The following TENM3 variants were observed in gnomAD, a reference collection of about 807,000 sequenced individuals.
TENM3 encodes teneurin-3.
Under a neutral mutation model 255.1 loss-of-function variants are expected in TENM3, and 63 were observed. The ratio of observed to expected loss-of-function variants is 0.25; its 90% CI spans 0.20 to 0.30. TENM3 has a LOEUF of 0.30. Among genes scored for constraint, TENM3 ranks in the 10% least tolerant of loss-of-function variants. The pLI, the probability that TENM3 is intolerant of heterozygous loss-of-function variation, is 1.00. For missense variants in TENM3, 2,929 were observed against 3,461.1 expected (o/e 0.85, Z 3.86); for synonymous variants, 1,306 against 1,322.3 (o/e 0.99, Z 0.27).
At chr4:182,266,599 G>A (rs1261325375) in intron 1 of TENM3, among the ~76,000 whole-genome samples, 2 of 151,958 alleles carry the variant, frequency 1.3e-5, no homozygotes, top group African/African-American at 4.8e-5. Context: ...ATATCTATAA[G>A]GTTTTATTAA....
Position 182,800,348 on chromosome 4 carries a change from G to A in TENM3, c.8097G>A (p.Arg2699=). 1 of 1,556,766 alleles carries A rather than the reference G, an allele frequency of 6.4e-7. No individual in the cohort carries two copies. Among genetic ancestry groups the A allele is most frequent in the Non-Finnish European group, 8.6e-7 (1 of 1,160,166 alleles). Residue 2699 remains arginine (R), a synonymous_variant, in exon 28 of 28, where the codon AGG becomes AGA. Coordinates refer to ENST00000511685, the MANE Select transcript of TENM3 (RefSeq NM_001080477.4). ...QFLRQSEIGR[R] is the part of the protein sequence containing the mutation. ...TGCGGCAGAGCGAGATCGGCAGGAG[G>A]TAACGCCCGGGCCGCGCCCGCCGAG...
the TENM3 span, among the ~76,000 whole-genome samples, chr4:181,738,259 A>G: frequency 4.6e-5 from 7 of 152,188 alleles, no homozygotes; most frequent in African/African-American, 1.7e-4. Flanking sequence ...TTTACAGTGT[A>G]TACAGTAACT....
the TENM3 span, among the ~76,000 whole-genome samples, chr4:181,820,856 C>T: frequency 0.012 from 1,753 of 152,256 alleles, 28 homozygotes; most frequent in African/African-American, 0.039. Context: ...TTTATATCAT[C>T]GCCTTTTAAA....
chr4:182,796,532 G>T, intron 26 of TENM3, 105 bp from the exon 27 acceptor site: 1 of 1,115,712 alleles, frequency 9.0e-7, no homozygotes, highest in Non-Finnish European at 1.2e-6. Context: ...CTCTTTTTCA[G>T]ATTATTAATT....
the TENM3 span, among the ~76,000 whole-genome samples, chr4:181,763,105 T>C: frequency 6.6e-6 from 1 of 152,204 alleles, no homozygotes; most frequent in African/African-American, 2.4e-5. Context: ...ACTATTTATA[T>C]TTGAAACAAA....
chr4:182,120,966 G>T, the TENM3 span, among the ~76,000 whole-genome samples: 1 of 152,044 alleles, frequency 6.6e-6, no homozygotes, highest in African/African-American at 2.4e-5. Flanking sequence ...TTGAGCAAAG[G>T]CATGCCATGT....
At chr4:182,239,309 C>T (rs1402416614), upstream of TENM3, among the ~76,000 whole-genome samples, 1 of 151,984 alleles carries the variant, frequency 6.6e-6, no homozygotes, top group East Asian at 1.9e-4. Context: ...AATTATTGAC[C>T]TCAAATGATC....
At chr4:181,513,589 G>A in the TENM3 span, among the ~76,000 whole-genome samples, 11 of 151,994 alleles carry the variant, frequency 7.2e-5, 1 homozygote, top group Admixed American at 4.6e-4. Flanking sequence ...CCAGAAAGAC[G>A]GGAACAATAA....
chr4:182,621,678 A>T lies in TENM3; in HGVS notation c.750-6973A>T, dbSNP rs1750194418. Among the ~76,000 whole-genome samples, 6 of 24,730 alleles carry T rather than the reference A, an allele frequency of 2.4e-4. 1 individual carries two copies. In the South Asian group the frequency reaches 0.014, roughly 59 times the overall value. The allele number at this position is 24,730 out of a possible 152,430, so 16.2% of individuals were successfully genotyped here. On this transcript the variant is annotated intron_variant, in intron 4 of 27. Transcript: ENST00000511685. ...AATATATAATATGTATTATATATAT[A>T]AAATATATAATATATATTATATATA...
At chr4:181,804,136 G>A in the TENM3 span, among the ~76,000 whole-genome samples, 1 of 138,886 alleles carries the variant, frequency 7.2e-6, no homozygotes, top group Non-Finnish European at 1.6e-5. Context: ...GGGAGGGAGG[G>A]AGGGAGGGAG....
the TENM3 span, among the ~76,000 whole-genome samples, chr4:181,888,898 T>G: frequency 2.2e-4 from 33 of 151,574 alleles, no homozygotes; most frequent in African/African-American, 7.0e-4. Context: ...TTTGTTCTAT[T>G]TGGGCCCTCA....
chr4:182,402,854 A>G (rs1435084466), intron 3 of TENM3, among the ~76,000 whole-genome samples: 1 of 152,210 alleles, frequency 6.6e-6, no homozygotes, highest in Non-Finnish European at 1.5e-5. Context: ...CTAAAATAGG[A>G]GATTTATTTA....
At chr4:182,015,813 C>A in the TENM3 span, among the ~76,000 whole-genome samples, 1 of 152,004 alleles carries the variant, frequency 6.6e-6, no homozygotes. Context: ...CCTGTCTCGG[C>A]TGGGATTACA....
the TENM3 span, among the ~76,000 whole-genome samples, chr4:181,895,849 T>G: frequency 6.6e-6 from 1 of 152,034 alleles, no homozygotes; most frequent in Non-Finnish European, 1.5e-5. Flanking sequence ...CCAGCCTGAT[T>G]GTATTCTCTA....
At chr4:182,745,133 T>C (rs1167596238) in intron 19 of TENM3, among the ~76,000 whole-genome samples, 6 of 152,174 alleles carry the variant, frequency 3.9e-5, no homozygotes, top group Admixed American at 3.9e-4. Context: ...AACTGTTGTG[T>C]AGTGATTAGC....
chr4:182,526,202 G>C (rs1373777405), intron 3 of TENM3, among the ~76,000 whole-genome samples: 1 of 151,804 alleles, frequency 6.6e-6, no homozygotes, highest in Non-Finnish European at 1.5e-5. Flanking sequence ...GGATGGGCTC[G>C]ATCTCCTGAC....
At position 182,779,054 on chromosome 4, in the gene TENM3, TTTC is replaced by T. The variant is rs1189784126; in HGVS notation, c.5304+3904_5304+3906del. ...ACAATGTGTTCTTTTTTTTTTTCCT[TTTC>T]TTTTTTTTTTTTATTATACTTTAAG... On this transcript the variant is annotated intron_variant, in intron 24 of 27. Coordinates refer to ENST00000511685, the MANE Select transcript of TENM3 (RefSeq NM_001080477.4). 6.0e-3 allele frequency among the ~76,000 whole-genome samples: 789 copies of T among 132,164 alleles called. 10 individuals carry two copies. Among genetic ancestry groups the T allele is most frequent in the African/African-American group, 0.031 (744 of 23,764 alleles). 86.7% of individuals were successfully genotyped at this position (132,164 alleles called of 152,430 possible). A position where few individuals can be genotyped will look rare whatever the true frequency, so the allele number is the denominator to read the frequency against.
chr4:181,616,750 G>C, the TENM3 span, among the ~76,000 whole-genome samples: 1 of 152,088 alleles, frequency 6.6e-6, no homozygotes, highest in African/African-American at 2.4e-5. Context: ...ATGTCCGTGG[G>C]CAGGAGAGGA....
chr4:182,535,847 T>G (rs1189625045), intron 3 of TENM3, among the ~76,000 whole-genome samples: 1 of 152,130 alleles, frequency 6.6e-6, no homozygotes, highest in Non-Finnish European at 1.5e-5. Context: ...CTCTCAGGAT[T>G]AGTGTGAGAA....
Sources: gnomAD v4.1 joint callset for allele counts (sites outside exome capture counted in the v4.1 genomes callset) on GRCh38, gnomAD v4.1.1 for gene constraint, MANE v1.5 for transcripts, NCBI Gene and HGNC (gene_info 2026-07-23, HGNC 2026-07-21) for gene names.